Variants in JAK1 observed in about 807,000 individuals in gnomAD.
JAK1 encodes tyrosine-protein kinase JAK1.
In JAK1, 16 loss-of-function variants were observed where a neutral mutation model predicts 136.6. The ratio of observed to expected loss-of-function variants is 0.12; its 90% confidence interval spans 0.08 to 0.18. The LOEUF is 0.18. JAK1 is among the 10% of genes least tolerant of loss of function. JAK1 has a pLI of 1.00. For synonymous variants in JAK1, 492 were observed against 519.5 expected (o/e 0.95, Z 0.72); for missense variants, 859 against 1,450.1 (o/e 0.59, Z 6.62).
chr1:65,059,005 CCAAA>C (rs1490702234), intron 1 of JAK1, among the ~76,000 whole-genome samples: 1 of 152,122 alleles, frequency 6.6e-6, no homozygotes, highest in Non-Finnish European at 1.5e-5. Context: ...TTCATATCTG[CCAAA>C]CATTCAAAAC....
chr1:64,947,058 G>GA (rs564803085), intron 1 of JAK1, among the ~76,000 whole-genome samples: 145 of 152,242 alleles, frequency 9.5e-4, no homozygotes, highest in Non-Finnish European at 1.5e-3. Context: ...GAGCTAGCAG[G>GA]AAAAAGCAAT....
At chr1:65,041,802 G>A (rs1424587843) in intron 2 of JAK1, among the ~76,000 whole-genome samples, 8 of 152,230 alleles carry the variant, frequency 5.3e-5, no homozygotes, top group African/African-American at 1.9e-4. Flanking sequence ...ACTTTGGGAG[G>A]CCAAGGTGGG....
intron 2 of JAK1, among the ~76,000 whole-genome samples, chr1:65,015,892 T>C (rs1646888296): frequency 6.6e-6 from 1 of 152,156 alleles, no homozygotes. Flanking sequence ...AACAAGTACT[T>C]GTATACCAGT....
chr1:64,837,385 G>T (rs1270262297), intron 22 of JAK1, among the ~76,000 whole-genome samples: 2 of 152,226 alleles, frequency 1.3e-5, no homozygotes, highest in Admixed American at 1.3e-4. Context: ...GTGCGGTAGA[G>T]ATGTAAGCAG....
chr1:64,985,276 T>C (rs544556103), intron 2 of JAK1: 16 of 1,609,130 alleles, frequency 9.9e-6, no homozygotes, highest in Middle Eastern at 1.7e-4. Context: ...TGGAGCATGA[T>C]GGAAATGATG....
chr1:64,937,246 T>G (rs938242088), intron 1 of JAK1, among the ~76,000 whole-genome samples: 1 of 151,982 alleles, frequency 6.6e-6, no homozygotes. Context: ...CACAGAAAAC[T>G]CAAAGTCTCC....
At chr1:64,841,094 G>C in intron 19 of JAK1, 151 bp downstream of exon 19, 1 of 629,876 alleles carries the variant, frequency 1.6e-6, no homozygotes, top group Non-Finnish European at 2.8e-6. Flanking sequence ...CCCTTGTGAT[G>C]AAAGTGGCCC....
intron 1 of JAK1, among the ~76,000 whole-genome samples, chr1:64,943,741 CA>C (rs1645930720): frequency 6.6e-6 from 1 of 151,288 alleles, no homozygotes; most frequent in Non-Finnish European, 1.5e-5. Context: ...ACTTCTATAA[CA>C]AAAGGTTCTT....
At position 64,879,030 on chromosome 1, in the gene JAK1, C is replaced by G; in HGVS notation, c.324G>C (p.Arg108=). 6.2e-7 allele frequency: 1 copy of G among 1,613,966 alleles called. No homozygotes were observed. Among genetic ancestry groups the G allele is most frequent in the Non-Finnish European group, 8.5e-7 (1 of 1,179,930 alleles). Residue 108 remains arginine, a synonymous_variant, in exon 4 of 25, where the codon CGG becomes CGC. Transcript: ENST00000342505. ...DDKMSLRLHY[R]MRFYFTNWHG... Reference sequence around the variant, plus strand: ...CAGGTCAGTACTTCCCATACCTCATCCGGTAGTGGAGCCGGAGGGACATCT... The same window carrying G: ...CAGGTCAGTACTTCCCATACCTCATGCGGTAGTGGAGCCGGAGGGACATCT...
intron 1 of JAK1, among the ~76,000 whole-genome samples, chr1:64,909,130 G>A (rs1273561870): frequency 1.3e-5 from 2 of 152,200 alleles, no homozygotes; most frequent in African/African-American, 4.8e-5. Flanking sequence ...TGGATGCAAC[G>A]TAAGGCATTC....
Position 65,020,708 on chromosome 1 carries a change from G to C in JAK1, c.-78+23772C>G, listed in dbSNP as rs141527207. On this transcript the variant is annotated intron_variant, in intron 2 of 25. Coordinates refer to the JAK1 transcript ENST00000671954. ...CAATTACCACTTGTGGTTCCTATAAGAAACTTGTCCATATTAGTTAGGGCT... is the reference window on the plus strand; with the variant it reads ...CAATTACCACTTGTGGTTCCTATAACAAACTTGTCCATATTAGTTAGGGCT... Among the ~76,000 whole-genome samples the C allele has an allele frequency of 6.6e-3, 1,011 of 152,210 alleles. 8 individuals carry two copies. The highest frequency in any genetic ancestry group is 0.023 in the African/African-American group (968 of 41,530).
At chr1:64,851,460 G>C (rs1020368527) in intron 11 of JAK1, among the ~76,000 whole-genome samples, 3 of 152,304 alleles carry the variant, frequency 2.0e-5, no homozygotes, top group Non-Finnish European at 4.4e-5. Context: ...AACAAACGCT[G>C]GTTTTGAGCC....
intron 1 of JAK1, among the ~76,000 whole-genome samples, chr1:65,047,718 C>CA (rs775590448): frequency 0.011 from 1,427 of 128,066 alleles, 20 homozygotes; most frequent in African/African-American, 0.036. Context: ...GACTTCATCT[C>CA]AAAAAAAAAA....
At position 64,867,171 on chromosome 1, in the gene JAK1, T is replaced by C; in HGVS notation, c.685A>G (p.Ile229Val). Reference protein sequence around the residue: ...RYIPETLNKSIRQRNLLTRMR... With the variant: ...RYIPETLNKSVRQRNLLTRMR... ...CTGGTGAGAAGGTTCCTCTGTCTGATGGACTTATTCAATGTTTCTGGAATA... is the reference window on the plus strand; with the variant it reads ...CTGGTGAGAAGGTTCCTCTGTCTGACGGACTTATTCAATGTTTCTGGAATA... The change falls in exon 7 of 25, where the codon ATC becomes GTC. Residue 229 changes from isoleucine (I) to valine (V), a missense_variant. This residue lies in a region of JAK1 where 353 missense variants were observed against 494.0 expected (regional missense o/e 0.71). Transcript: ENST00000342505. 1.2e-6 allele frequency: 2 copies of C among 1,608,124 alleles called. No homozygotes were observed. Among genetic ancestry groups the C allele is most frequent in the Non-Finnish European group, 8.5e-7 (1 of 1,175,402 alleles).
At chr1:64,953,718 G>A (rs1646132744) in intron 1 of JAK1, among the ~76,000 whole-genome samples, 1 of 152,092 alleles carries the variant, frequency 6.6e-6, no homozygotes, top group Admixed American at 6.5e-5. Context: ...AGAGTGAAGT[G>A]GCATCATCTC....
At chr1:64,870,489 G>C (rs768698897) in intron 5 of JAK1, among the ~76,000 whole-genome samples, 19 of 152,114 alleles carry the variant, frequency 1.2e-4, no homozygotes, top group Non-Finnish European at 2.2e-4. Context: ...TCAAGTAGAA[G>C]AATTGAGTAC....
intron 3 of JAK1, among the ~76,000 whole-genome samples, chr1:64,879,846 C>T (rs1644742351): frequency 6.6e-6 from 1 of 152,100 alleles, no homozygotes; most frequent in Non-Finnish European, 1.5e-5. Context: ...CAGTTGCCTC[C>T]GTCAATAAGA....
At chr1:64,897,845 C>T (rs551370109) in intron 1 of JAK1, among the ~76,000 whole-genome samples, 2 of 152,126 alleles carry the variant, frequency 1.3e-5, no homozygotes, top group East Asian at 1.9e-4. Flanking sequence ...ATGGGAAAGG[C>T]ATGGGCATAG....
chr1:64,848,182 T>C (rs998410311), intron 12 of JAK1: 3 of 153,928 alleles, frequency 1.9e-5, no homozygotes, highest in African/African-American at 7.2e-5. Flanking sequence ...ATAATGGTAC[T>C]GACCTCATAG....
Sources: gnomAD v4.1 joint callset for allele counts (sites outside exome capture counted in the v4.1 genomes callset) on GRCh38, gnomAD v4.1.1 for gene constraint, gnomAD v4.1.1 regional missense constraint, MANE v1.5 for transcripts, NCBI Gene and HGNC (gene_info 2026-07-23, HGNC 2026-07-21) for gene names.